The following PDXDC1 variants were observed in gnomAD, a reference collection of about 807,000 sequenced individuals.
PDXDC1 encodes pyridoxal-dependent decarboxylase domain-containing protein 1.
A neutral mutation model predicts 100.1 loss-of-function variants in PDXDC1; 42 were observed. The observed-to-expected ratio is 0.42, with a 90% confidence interval of 0.33 to 0.54. The LOEUF is 0.54. PDXDC1 is among the 20% of genes least tolerant of loss of function. The probability of loss-of-function intolerance (pLI) is 0.10; values close to 1 mark genes in which losing one functional copy is unlikely to be tolerated. For synonymous variants in PDXDC1, 260 were observed against 371.7 expected (o/e 0.70, Z 3.46); for missense variants, 636 against 979.2 (o/e 0.65, Z 4.68).
intron 1 of PDXDC1, chr16:14,996,274 G>A: frequency 2.7e-6 from 1 of 365,152 alleles, no homozygotes; most frequent in African/African-American, 2.1e-5. Flanking sequence ...AGGCAATGCA[G>A]TTTTAAATAC....
intron 16 of PDXDC1, chr16:15,047,749 G>A (rs554106746): frequency 5.9e-5 from 61 of 1,042,034 alleles, no homozygotes; most frequent in African/African-American, 4.4e-4. Context: ...AAAGGTAAGC[G>A]GAGTCCGCTT....
At position 15,031,870 on chromosome 16, in the gene PDXDC1, T is replaced by C. The variant is rs1446389323; in HGVS notation, c.1535T>C (p.Val512Ala). 2 of 1,613,598 alleles carry C rather than the reference T, an allele frequency of 1.2e-6. No homozygotes were observed. The highest frequency in any genetic ancestry group is 1.3e-5 in the African/African-American group (1 of 75,014). The change falls in exon 17 of 23, where the codon GTT becomes GCT. Residue 512 changes from valine (V) to alanine (A), a missense_variant. This residue lies in a region of PDXDC1 where 452 missense variants were observed against 402.9 expected (regional missense o/e 1.12). Coordinates refer to ENST00000396410, the MANE Select transcript of PDXDC1 (RefSeq NM_015027.4). ...EVEATAGLLY[V>A]DDPNWSGIGV... ...GAAGCAACAGCAGGTCTCCTATATG[T>C]TGATGACCCTAACTGGTCTGGAATA...
intron 16 of PDXDC1, chr16:15,127,842 G>A (rs748096271): frequency 1.0e-5 from 16 of 1,565,830 alleles, no homozygotes; most frequent in Non-Finnish European, 1.1e-5. Context: ...TGTCAAAGAA[G>A]CCGCACTGCA....
At chr16:15,039,856 C>T (rs1028372644), downstream of PDXDC1, 9 of 676,816 alleles carry the variant, frequency 1.3e-5, no homozygotes, top group African/African-American at 9.0e-5. Context: ...TGATAATGTA[C>T]GGCTATAAAG....
At chr16:15,077,640 G>C (rs2045518596) in intron 16 of PDXDC1, among the ~76,000 whole-genome samples, 1 of 152,170 alleles carries the variant, frequency 6.6e-6, no homozygotes, top group South Asian at 2.1e-4. Flanking sequence ...AGGAGATTGA[G>C]ACCATCCTGG....
the PDXDC1 span, among the ~76,000 whole-genome samples, chr16:15,146,121 G>A: frequency 3.3e-5 from 5 of 152,314 alleles, no homozygotes; most frequent in South Asian, 6.2e-4. Context: ...CCACTGTCAC[G>A]AGATGGTGGC....
intron 16 of PDXDC1, chr16:15,085,687 T>C (rs113730921): frequency 0.011 from 17,772 of 1,613,562 alleles, 131 homozygotes; most frequent in Middle Eastern, 0.035. Flanking sequence ...CCTTCCTTAA[T>C]GATCACTCGG....
intron 12 of PDXDC1, among the ~76,000 whole-genome samples, chr16:15,020,181 C>A (rs577187351): frequency 6.6e-6 from 1 of 151,948 alleles, no homozygotes; most frequent in South Asian, 2.1e-4. Context: ...TAGAGCTGAG[C>A]CCTCCCTAAG....
chr16:15,062,314 AGT>A (rs2044747419), intron 16 of PDXDC1, among the ~76,000 whole-genome samples: 1 of 152,240 alleles, frequency 6.6e-6, no homozygotes, highest in Non-Finnish European at 1.5e-5. Context: ...ATTCTTGCCC[AGT>A]GTTAGGAACT....
At chr16:15,055,624 G>T in intron 16 of PDXDC1, 1 of 327,306 alleles carries the variant, frequency 3.1e-6, no homozygotes, top group Non-Finnish European at 5.6e-6. Flanking sequence ...CCGAGCCGCA[G>T]TGCTGTGCGA....
At chr16:15,040,899 G>C (rs1188425354), downstream of PDXDC1, among the ~76,000 whole-genome samples, 1 of 152,172 alleles carries the variant, frequency 6.6e-6, no homozygotes, top group Non-Finnish European at 1.5e-5. Context: ...GTAAAGCTTA[G>C]AGAAGTTAAG....
At chr16:15,021,117 CT>C (rs2042171388) in intron 12 of PDXDC1, among the ~76,000 whole-genome samples, 1 of 152,284 alleles carries the variant, frequency 6.6e-6, no homozygotes, top group South Asian at 2.1e-4. Flanking sequence ...TGGCTCATGC[CT>C]ATAATCCCAG....
At chr16:15,103,528 G>C (rs1233860457) in intron 16 of PDXDC1, among the ~76,000 whole-genome samples, 1 of 151,696 alleles carries the variant, frequency 6.6e-6, no homozygotes. Flanking sequence ...TTTTGAGTCA[G>C]AGTCTCGCTC....
At position 15,036,547 on chromosome 16, in the gene PDXDC1, T is replaced by G; in HGVS notation, c.*272T>G. 1 of 488,982 alleles carries G rather than the reference T, an allele frequency of 2.0e-6. No homozygotes were observed. 30.3% of individuals were successfully genotyped at this position (488,982 alleles called of 1,614,324 possible). Reference sequence around the variant, plus strand: ...TTTTATTCACAAAAAACACTTCGAATTTCAAGTGTCTACCAGTAGCACCCT... The same window carrying G: ...TTTTATTCACAAAAAACACTTCGAAGTTCAAGTGTCTACCAGTAGCACCCT... On this transcript the variant is annotated 3_prime_UTR_variant, in exon 23 of 23. Coordinates refer to ENST00000396410, the MANE Select transcript of PDXDC1 (RefSeq NM_015027.4).
At chr16:15,099,461 T>G (rs946327164) in intron 16 of PDXDC1, among the ~76,000 whole-genome samples, 4 of 147,754 alleles carry the variant, frequency 2.7e-5, no homozygotes, top group Non-Finnish European at 6.0e-5. Flanking sequence ...AAAGAAAACC[T>G]TAAAACTAAA....
intron 1 of PDXDC1, chr16:14,976,881 TG>T (rs1333016205): frequency 6.6e-6 from 1 of 152,350 alleles, no homozygotes; most frequent in East Asian, 1.9e-4. Flanking sequence ...CGATGCAAAG[TG>T]GTGTTATCAA....
intron 16 of PDXDC1, among the ~76,000 whole-genome samples, chr16:15,089,837 G>A (rs1344600942): frequency 6.8e-6 from 1 of 147,514 alleles, no homozygotes; most frequent in East Asian, 2.0e-4. Flanking sequence ...GGAGACAGGA[G>A]GATCAGAAAC....
At chr16:15,014,164 G>T (rs187451541) in intron 8 of PDXDC1, among the ~76,000 whole-genome samples, 19 of 151,536 alleles carry the variant, frequency 1.3e-4, no homozygotes, top group Non-Finnish European at 2.1e-4. Flanking sequence ...CCGAGATTGC[G>T]CTGCTGCACT....
At chr16:15,086,036 C>A in intron 16 of PDXDC1, 2 of 1,110,056 alleles carry the variant, frequency 1.8e-6, no homozygotes, top group South Asian at 1.6e-5. Flanking sequence ...CATCTGGAAT[C>A]TTCCATGGTA....
Sources: gnomAD v4.1 joint callset for allele counts (sites outside exome capture counted in the v4.1 genomes callset) on GRCh38, gnomAD v4.1.1 for gene constraint, gnomAD v4.1.1 regional missense constraint, MANE v1.5 for transcripts, NCBI Gene and HGNC (gene_info 2026-07-23, HGNC 2026-07-21) for gene names.